The following LRBA variants were observed in gnomAD, a reference collection of about 807,000 sequenced individuals.
The protein encoded by LRBA is LPS responsive beige-like anchor protein.
A neutral mutation model predicts 330.0 loss-of-function variants in LRBA; 176 were observed. The observed-to-expected ratio is 0.53, with a 90% CI of 0.47 to 0.60. The LOEUF (loss-of-function observed/expected upper bound fraction) is 0.60, where lower values mean the gene tolerates loss of function less well. LRBA is among the 20% of genes least tolerant of loss of function. The pLI is 0.00. For synonymous variants in LRBA, 1,230 were observed against 1,193.0 expected, an observed-to-expected ratio of 1.03 and a Z score of -0.64; for missense variants, 3,259 against 3,444.8, an observed-to-expected ratio of 0.95 and a Z score of 1.35.
chr4:150,806,701 T>C (rs1307824889), intron 32 of LRBA, among the ~76,000 whole-genome samples: 1 of 151,974 alleles, frequency 6.6e-6, no homozygotes, highest in South Asian at 2.1e-4. Flanking sequence ...TTAGGCCCAT[T>C]ATAATCTAAA....
At chr4:150,782,624 T>C (rs1478840445) in intron 34 of LRBA, among the ~76,000 whole-genome samples, 1 of 152,214 alleles carries the variant, frequency 6.6e-6, no homozygotes, top group Non-Finnish European at 1.5e-5. Flanking sequence ...TAATGATACA[T>C]ACGATAACAT....
intron 40 of LRBA, among the ~76,000 whole-genome samples, chr4:150,585,863 T>C (rs981062894): frequency 1.4e-4 from 21 of 152,116 alleles, no homozygotes; most frequent in African/African-American, 4.3e-4. Flanking sequence ...GATAGCAGAA[T>C]AGATGAAAAA....
chr4:150,864,409 T>C (rs936355493), intron 22 of LRBA, among the ~76,000 whole-genome samples: 1 of 152,124 alleles, frequency 6.6e-6, no homozygotes, highest in African/African-American at 2.4e-5. Flanking sequence ...TTGAAAATGA[T>C]TATTTTTCAA....
intron 23 of LRBA, 39 bp from the exon 24 acceptor site, chr4:150,850,941 C>A: frequency 6.8e-7 from 1 of 1,466,398 alleles, no homozygotes; most frequent in South Asian, 1.2e-5. Context: ...ATAGGTTCAA[C>A]TTCAGCAGGA....
In LRBA at chr4:150,963,097, A is replaced by C. The variant is rs1243377933; in HGVS notation, c.217-34032T>G. Among the ~76,000 whole-genome samples the C allele has an allele frequency of 6.1e-5, 9 of 148,336 alleles. 2 individuals carry two copies. The highest frequency in any genetic ancestry group is 2.1e-4 in the African/African-American group (8 of 38,108). On this transcript the variant is annotated intron_variant, in intron 2 of 56. Transcript: ENST00000651943. ...CTTCTAGAAAATAACAAAAACATCA[A>C]CTCAATATAAAAAGGGGCAAAGTAA... is the stretch of plus-strand genomic sequence containing the variant.
intron 42 of LRBA, among the ~76,000 whole-genome samples, 194 bp from the exon 43 acceptor site, chr4:150,471,933 T>C (rs1756179346): frequency 6.6e-6 from 1 of 152,100 alleles, no homozygotes; most frequent in African/African-American, 2.4e-5. Flanking sequence ...AGAGGTATTA[T>C]ACATGTTGTA....
chr4:150,415,640 C>T (rs553143576), intron 46 of LRBA, 50 bp from the exon 47 acceptor site: 4 of 1,074,770 alleles, frequency 3.7e-6, no homozygotes, highest in South Asian at 3.0e-5. Context: ...AGGATACTGA[C>T]TAGATATTCA....
chr4:150,951,749 A>G (rs2149544701), intron 2 of LRBA, among the ~76,000 whole-genome samples: 1 of 152,324 alleles, frequency 6.6e-6, no homozygotes, highest in African/African-American at 2.4e-5. Flanking sequence ...TATATACAGA[A>G]TCTACATTAA....
rs1731611595 is a variant in LRBA at position 150,315,534 on chromosome 4, T to C, written c.7693+27A>G. Reference sequence around the variant, plus strand: ...GGGCCACCATACAGAGCTTAATGAATCGCAAAGAGAGAAGGAAGTGACAGA... The same window carrying C: ...GGGCCACCATACAGAGCTTAATGAACCGCAAAGAGAGAAGGAAGTGACAGA... On this transcript the variant is annotated intron_variant, in intron 51 of 56. Coordinates refer to ENST00000651943, the MANE Select transcript of LRBA (RefSeq NM_001364905.1). 3 of 1,596,670 alleles carry C rather than the reference T, an allele frequency of 1.9e-6. No homozygotes were observed. The African/African-American group carries it at 4.0e-5, about 21-fold the overall frequency.
chr4:150,673,618 G>T (rs1280089102), intron 37 of LRBA, among the ~76,000 whole-genome samples: 1 of 152,130 alleles, frequency 6.6e-6, no homozygotes, highest in Non-Finnish European at 1.5e-5. Flanking sequence ...CTTGGCATAT[G>T]TGTGATAGAC....
At chr4:150,291,774 G>A (rs1387483670) in intron 53 of LRBA, among the ~76,000 whole-genome samples, 5 of 149,126 alleles carry the variant, frequency 3.4e-5, no homozygotes, top group Admixed American at 1.3e-4. Flanking sequence ...ACATGCACAC[G>A]TATGTTTATT....
intron 33 of LRBA, among the ~76,000 whole-genome samples, chr4:150,802,756 G>C (rs1741849043): frequency 6.6e-6 from 1 of 151,834 alleles, no homozygotes; most frequent in Non-Finnish European, 1.5e-5. Context: ...AGACGCAGTG[G>C]CTCAGGCCTG....
At chr4:150,637,137 T>C (rs1778003801) in intron 37 of LRBA, among the ~76,000 whole-genome samples, 1 of 152,126 alleles carries the variant, frequency 6.6e-6, no homozygotes, top group African/African-American at 2.4e-5. Flanking sequence ...AGGAAGCATA[T>C]GGATCTCTGA....
chr4:150,337,592 T>A (rs1403751902), intron 48 of LRBA, among the ~76,000 whole-genome samples: 1 of 152,234 alleles, frequency 6.6e-6, no homozygotes, highest in Non-Finnish European at 1.5e-5. Flanking sequence ...ATTTGGCTTC[T>A]CATTGTACAG....
At chr4:150,624,926 C>T (rs566776702) in intron 37 of LRBA, among the ~76,000 whole-genome samples, 16 of 152,218 alleles carry the variant, frequency 1.1e-4, no homozygotes, top group African/African-American at 3.4e-4. Context: ...AACAGATGAT[C>T]CTGAAGTGAT....
At chr4:150,902,157 A>G (rs193054528) in intron 13 of LRBA, among the ~76,000 whole-genome samples, 22 of 152,342 alleles carry the variant, frequency 1.4e-4, no homozygotes, top group African/African-American at 5.1e-4. Context: ...AGGACAGATA[A>G]ATTATTATAG....
intron 35 of LRBA, 115 bp from the exon 36 acceptor site, chr4:150,735,481 C>G: frequency 1.4e-6 from 1 of 719,508 alleles, no homozygotes; most frequent in African/African-American, 1.7e-5. Context: ...TGACATCATA[C>G]ACAATGAGGT....
chr4:150,805,741 A>G (rs1298474764), intron 33 of LRBA, among the ~76,000 whole-genome samples: 1 of 152,094 alleles, frequency 6.6e-6, no homozygotes, highest in African/African-American at 2.4e-5. Flanking sequence ...CTCCATAAAT[A>G]GCATGGTTTC....
At chr4:151,007,043 C>T (rs1277734841) in intron 2 of LRBA, among the ~76,000 whole-genome samples, 1 of 152,140 alleles carries the variant, frequency 6.6e-6, no homozygotes, top group Non-Finnish European at 1.5e-5. Flanking sequence ...TTTTAAAACT[C>T]GCCACAAATC....
Sources: allele counts gnomAD v4.1 joint callset (sites outside exome capture counted in the v4.1 genomes callset), GRCh38; gene constraint gnomAD v4.1.1; transcripts MANE v1.5; gene names NCBI Gene and HGNC (gene_info 2026-07-23, HGNC 2026-07-21).